The following FSTL4 variants were observed in gnomAD, a reference collection of about 807,000 sequenced individuals.
FSTL4 encodes follistatin like 4, also known as follistatin-related protein 4.
In FSTL4, 28 loss-of-function variants were observed where a neutral mutation model predicts 78.2. The ratio of observed to expected loss-of-function variants is 0.36; its 90% CI spans 0.27 to 0.49. FSTL4 has a LOEUF of 0.49. Ranked by LOEUF, FSTL4 falls within the 20% of genes least tolerant of loss-of-function variation. The pLI, the probability that FSTL4 is intolerant of heterozygous loss-of-function variation, is 0.98. For missense variants in FSTL4, 922 were observed against 1,084.9 expected, an observed-to-expected ratio of 0.85 and a Z score of 2.11; for synonymous variants, 422 against 440.5, an observed-to-expected ratio of 0.96 and a Z score of 0.53.
chr5:133,506,068 C>T (rs552130641), intron 3 of FSTL4, among the ~76,000 whole-genome samples: 3 of 152,340 alleles, frequency 2.0e-5, no homozygotes, highest in East Asian at 3.9e-4. Context: ...CCTTCACCTT[C>T]AGGAAGTCTT....
rs759740553 is a variant in FSTL4 at position 133,217,325 on chromosome 5, T to A, written c.1512A>T (p.Val504=). The part of the protein sequence containing the change: ...EKNATQPCQW[V]SAVNVRNRYI... ...ACCGGTTCCGGACATTGACTGCAGA[T>A]ACCCACTGGCAGGGCTGGGTTGCAT... Residue 504 remains valine (V), a synonymous_variant, in exon 13 of 16, where the codon GTA becomes GTT. Coordinates refer to ENST00000265342, the MANE Select transcript of FSTL4 (RefSeq NM_015082.2). 3.8e-5 allele frequency: 61 copies of A among 1,614,088 alleles called. No homozygotes were observed. The highest frequency in any genetic ancestry group is 5.0e-5 in the Non-Finnish European group (59 of 1,179,914).
intron 2 of FSTL4, among the ~76,000 whole-genome samples, chr5:133,581,481 G>T (rs1580803198): frequency 6.6e-6 from 1 of 152,244 alleles, no homozygotes; most frequent in South Asian, 2.1e-4. Flanking sequence ...AGAAATACCT[G>T]CCCCACACGT....
chr5:133,614,104 C>G (rs188263296), upstream of FSTL4, among the ~76,000 whole-genome samples: 2 of 152,314 alleles, frequency 1.3e-5, no homozygotes, highest in African/African-American at 4.8e-5. Flanking sequence ...TGGTCAGGAA[C>G]GTACACCATG....
intron 3 of FSTL4, among the ~76,000 whole-genome samples, chr5:133,519,063 A>T (rs1758921961): frequency 6.6e-6 from 1 of 152,218 alleles, no homozygotes; most frequent in South Asian, 2.1e-4. Context: ...AACTTTTGTA[A>T]AACCAAGCTC....
chr5:133,502,824 G>A (rs1364375551), intron 3 of FSTL4, among the ~76,000 whole-genome samples: 1 of 152,156 alleles, frequency 6.6e-6, no homozygotes, highest in Non-Finnish European at 1.5e-5. Flanking sequence ...CTCAGTCTCA[G>A]GTATTTCTTT....
chr5:133,229,114 A>G (rs1184168473), intron 8 of FSTL4, among the ~76,000 whole-genome samples: 1 of 152,264 alleles, frequency 6.6e-6, no homozygotes, highest in Non-Finnish European at 1.5e-5. Flanking sequence ...CACTGATGAC[A>G]TTAAAAAAGG....
intron 3 of FSTL4, among the ~76,000 whole-genome samples, chr5:133,455,166 G>C (rs1368819354): frequency 6.6e-6 from 1 of 152,292 alleles, no homozygotes; most frequent in Middle Eastern, 3.4e-3. Flanking sequence ...GAGAGGGAGA[G>C]GTGCACATGG....
At chr5:133,733,950 C>T in the FSTL4 span, among the ~76,000 whole-genome samples, 7 of 152,330 alleles carry the variant, frequency 4.6e-5, no homozygotes, top group South Asian at 2.1e-4. Flanking sequence ...CCCATGTGGA[C>T]GTTTCTGCAG....
chr5:133,320,908 G>A (rs528140243), intron 4 of FSTL4, among the ~76,000 whole-genome samples: 1 of 150,872 alleles, frequency 6.6e-6, no homozygotes, highest in Non-Finnish European at 1.5e-5. Flanking sequence ...TCGGGAGGCT[G>A]AGGCAGGAGA....
At chr5:133,744,111 C>G in the FSTL4 span, among the ~76,000 whole-genome samples, 1 of 152,160 alleles carries the variant, frequency 6.6e-6, no homozygotes, top group African/African-American at 2.4e-5. Flanking sequence ...TTCACTGAAC[C>G]AGCACATTTC....
At chr5:133,349,295 C>CTGTG (rs1554107119) in intron 4 of FSTL4, among the ~76,000 whole-genome samples, 5,088 of 139,680 alleles carry the variant, frequency 0.036, 107 homozygotes, top group African/African-American at 0.069. Flanking sequence ...GCCTCTCTCT[C>CTGTG]TGTGTGTGTG....
chr5:133,418,953 GTT>G (rs1252422435), intron 3 of FSTL4, among the ~76,000 whole-genome samples: 1 of 152,108 alleles, frequency 6.6e-6, no homozygotes, highest in East Asian at 1.9e-4. Context: ...TCAGACATTA[GTT>G]TGGATTTCCT....
chr5:133,746,220 T>C, the FSTL4 span, among the ~76,000 whole-genome samples: 12 of 152,318 alleles, frequency 7.9e-5, 2 homozygotes, highest in African/African-American at 2.9e-4. Flanking sequence ...CTGCAAATCA[T>C]GGATTCAAAA....
chr5:133,728,105 G>A, the FSTL4 span, among the ~76,000 whole-genome samples: 7 of 152,348 alleles, frequency 4.6e-5, no homozygotes, highest in Non-Finnish European at 2.9e-5. Flanking sequence ...ATTCCAGCCT[G>A]TTTACAGGGA....
At chr5:133,563,305 G>T (rs535471808) in intron 3 of FSTL4, among the ~76,000 whole-genome samples, 1 of 152,188 alleles carries the variant, frequency 6.6e-6, no homozygotes, top group Non-Finnish European at 1.5e-5. Flanking sequence ...TCAGCTCTCT[G>T]GGCTTGGCAG....
rs372625937 is a variant in FSTL4 at position 133,199,247 on chromosome 5, T to C, written c.2377A>G (p.Arg793Gly). The C allele has an allele frequency of 2.5e-6, 4 of 1,613,662 alleles. No individual in the cohort carries two copies. The highest frequency in any genetic ancestry group is 1.1e-5 in the South Asian group (1 of 91,090). ...AACAGCCCACTGTCCCTCATGATTCTGTGGGTACCCCCCCAGGGCTGAGCT... is the reference window on the plus strand; with the variant it reads ...AACAGCCCACTGTCCCTCATGATTCCGTGGGTACCCCCCCAGGGCTGAGCT... ...GPAQPWGGTH[R>G]IMRDSGLFGQ... The change falls in exon 16 of 16, where the codon AGA becomes GGA. Residue 793 changes from arginine to glycine, a missense_variant. Coordinates refer to ENST00000265342, the MANE Select transcript of FSTL4 (RefSeq NM_015082.2). The surrounding 1 kb of genome is among the most constrained non-coding windows in gnomAD (Gnocchi z 4.4).
At chr5:133,500,534 G>A (rs1038434331) in intron 3 of FSTL4, among the ~76,000 whole-genome samples, 5 of 152,038 alleles carry the variant, frequency 3.3e-5, no homozygotes, top group South Asian at 2.1e-4. Flanking sequence ...ACTTTACCTC[G>A]GCAACAATAA....
intron 3 of FSTL4, among the ~76,000 whole-genome samples, chr5:133,491,883 TCA>T (rs1275837881): frequency 6.6e-6 from 1 of 152,220 alleles, no homozygotes; most frequent in Non-Finnish European, 1.5e-5. Flanking sequence ...ACTGATATAT[TCA>T]GTTTTTGCCA....
chr5:133,760,686 C>T, the FSTL4 span, among the ~76,000 whole-genome samples: 2 of 152,046 alleles, frequency 1.3e-5, no homozygotes, highest in African/African-American at 2.4e-5. Context: ...AGCCTGGCCA[C>T]GCAGTTCCGC....
Sources: allele counts gnomAD v4.1 joint callset (sites outside exome capture counted in the v4.1 genomes callset), GRCh38; gene constraint gnomAD v4.1.1; non-coding constraint Gnocchi (gnomAD v3.1); transcripts MANE v1.5; gene names NCBI Gene and HGNC (gene_info 2026-07-23, HGNC 2026-07-21).